Variants in SFI1 observed in about 807,000 individuals in gnomAD.
The protein encoded by SFI1 is SFI1 centrin binding protein.
In SFI1, 195 loss-of-function variants were observed where a neutral mutation model predicts 207.5. The ratio of observed to expected loss-of-function variants is 0.94; its 90% confidence interval spans 0.84 to 1.06. SFI1 has a LOEUF of 1.06. SFI1 is among the 50% of genes least tolerant of loss of function. SFI1 has a pLI of 0.00. For missense variants in SFI1, 1,634 were observed against 1,588.0 expected (o/e 1.03, Z -0.49); for synonymous variants, 630 against 598.9 (o/e 1.05, Z -0.76).
chr22:31,556,510 C>T (rs1020839219), intron 6 of SFI1, among the ~76,000 whole-genome samples: 3 of 152,214 alleles, frequency 2.0e-5, no homozygotes, highest in African/African-American at 7.2e-5. Flanking sequence ...GCGTGAGCCA[C>T]TGTGCCCAGA....
intron 2 of SFI1, among the ~76,000 whole-genome samples, chr22:31,520,174 TAAA>T (rs749141427): frequency 2.2e-5 from 3 of 134,552 alleles, no homozygotes; most frequent in Admixed American, 7.6e-5. Context: ...ACCACCTGTT[TAAA>T]AAAAAAAAAA....
Position 31,618,502 on chromosome 22 carries a change from ATTTT to A in SFI1, c.*89_*92del. On this transcript the variant is annotated 3_prime_UTR_variant, in exon 33 of 33. Coordinates refer to ENST00000400288, the MANE Select transcript of SFI1 (RefSeq NM_001007467.3). ...GGAACAGAACACAGTTTTAAGTTTG[ATTTT>A]TTTTATTTCAAAATGCTTTGCAATT... The A allele has an allele frequency of 1.6e-6, 2 of 1,280,876 alleles. No homozygotes were observed. Among genetic ancestry groups the A allele is most frequent in the Non-Finnish European group, 2.0e-6 (2 of 977,318 alleles). 79.3% of individuals were successfully genotyped at this position (1,280,876 alleles called of 1,614,324 possible). A position where few individuals can be genotyped will look rare whatever the true frequency, so the allele number is the denominator to read the frequency against.
intron 3 of SFI1, among the ~76,000 whole-genome samples, chr22:31,530,171 CAAAAAAAAAAAAAAAA>C (rs1162482504): frequency 9.9e-4 from 12 of 12,100 alleles, no homozygotes; most frequent in Non-Finnish European, 1.2e-3. Context: ...GACTCCATCT[CAAAAAAAAAAAAAAAA>C]AAAAAAAAAA....
chr22:31,533,540 G>A (rs376748383), intron 4 of SFI1, among the ~76,000 whole-genome samples: 15 of 151,220 alleles, frequency 9.9e-5, no homozygotes, highest in African/African-American at 2.2e-4. Flanking sequence ...AAGTTGTAGC[G>A]TTCAGTGGTG....
At chr22:31,503,314 C>T (rs766934332) in intron 1 of SFI1, among the ~76,000 whole-genome samples, 2 of 152,076 alleles carry the variant, frequency 1.3e-5, no homozygotes, top group Admixed American at 6.6e-5. Flanking sequence ...GCAGAAGTGG[C>T]GTGAATACCC....
chr22:31,519,362 C>T (rs2056927392), intron 2 of SFI1, among the ~76,000 whole-genome samples: 2 of 150,938 alleles, frequency 1.3e-5, no homozygotes, highest in South Asian at 4.2e-4. Context: ...CCTTGAACTC[C>T]TGGGTTCAAG....
chr22:31,534,158 G>A (rs141940936), intron 4 of SFI1, among the ~76,000 whole-genome samples: 3,553 of 151,862 alleles, frequency 0.023, 125 homozygotes, highest in African/African-American at 0.08. Flanking sequence ...TCGCTCTGTC[G>A]CTCAGGCTGC....
chr22:31,593,791 G>A (rs1205244352), intron 15 of SFI1, among the ~76,000 whole-genome samples: 2 of 150,352 alleles, frequency 1.3e-5, no homozygotes, highest in Admixed American at 1.3e-4. Flanking sequence ...GTTAGGGGCT[G>A]GAGACCGGCC....
Position 31,557,164 on chromosome 22 carries a change from T to C in SFI1, c.662+105T>C, listed in dbSNP as rs536160170. ...AACCTCACCTTAAAACAATGGTTTG[T>C]ATTTGGTTTTATTTTTGTGTTTTGT... On this transcript the variant is annotated intron_variant, in intron 7 of 32. Coordinates refer to ENST00000400288, the MANE Select transcript of SFI1 (RefSeq NM_001007467.3). 27 of 693,604 alleles carry C rather than the reference T, an allele frequency of 3.9e-5. No individual in the cohort carries two copies. The African/African-American group carries it at 4.3e-4, about 11-fold the overall frequency. The allele number at this position is 693,604 out of a possible 1,614,324, so 43.0% of individuals were successfully genotyped here.
chr22:31,528,926 A>C (rs1485814634), intron 3 of SFI1, 63 bp downstream of exon 3: 2 of 1,480,264 alleles, frequency 1.4e-6, no homozygotes, highest in African/African-American at 2.8e-5. Context: ...TCTTGGTTAA[A>C]ATGGGGGAAT....
At chr22:31,617,443 A>C (rs1358640332) in intron 31 of SFI1, among the ~76,000 whole-genome samples, 2 of 152,162 alleles carry the variant, frequency 1.3e-5, no homozygotes, top group Admixed American at 6.5e-5. Flanking sequence ...GAGAAGGGCC[A>C]GGCGCAGTGA....
Position 31,602,606 on chromosome 22 carries a change from G to A in SFI1, c.1627-1G>A. ...GTTCTCTCCTTCCTGTCCTGCCTCA[G>A]GCCATCCTTCACGCAGAGCGACAGC... On this transcript the variant is annotated splice_acceptor_variant, in intron 16 of 32. Transcript: ENST00000400288. LOFTEE classifies it high-confidence loss of function. 6.2e-7 allele frequency: 1 copy of A among 1,614,050 alleles called. No homozygotes were observed. Among genetic ancestry groups the A allele is most frequent in the Non-Finnish European group, 8.5e-7 (1 of 1,179,992 alleles).
chr22:31,540,042 G>C (rs2059332609), intron 4 of SFI1, among the ~76,000 whole-genome samples: 1 of 151,690 alleles, frequency 6.6e-6, no homozygotes, highest in South Asian at 2.1e-4. Context: ...TAAGCATGAA[G>C]ACTTATAACT....
At chr22:31,531,490 T>C (rs1352902034) in intron 4 of SFI1, among the ~76,000 whole-genome samples, 1 of 152,218 alleles carries the variant, frequency 6.6e-6, no homozygotes, top group East Asian at 1.9e-4. Flanking sequence ...CAGGGCGCCG[T>C]GGCTCACGCC....
chr22:31,583,737 T>A (rs1603209258), intron 12 of SFI1, 138 bp from the exon 13 acceptor site: 1 of 729,504 alleles, frequency 1.4e-6, no homozygotes, highest in African/African-American at 1.7e-5. Flanking sequence ...CCTCATTAAT[T>A]TGTATGCCCA....
At chr22:31,523,808 T>G (rs182835628) in intron 2 of SFI1, among the ~76,000 whole-genome samples, 1 of 151,520 alleles carries the variant, frequency 6.6e-6, no homozygotes, top group Admixed American at 6.6e-5. Flanking sequence ...AATCAGGGTG[T>G]TTTTTTTTAC....
At position 31,528,762 on chromosome 22, in the gene SFI1, C is replaced by A. The variant is rs754928057; in HGVS notation, c.165C>A (p.Ser55=). Residue 55 remains serine, a synonymous_variant, in exon 3 of 33, where the codon TCC becomes TCA. Transcript: ENST00000400288. The stretch of plus-strand genomic sequence containing the variant: ...TGTCCAACAAGAAGTCTTCTGCATC[C>A]TTTGGGATCCGGAGGGAGTTACCTA... ...KTLSNKKSSA[S]FGIRRELPST... is the part of the protein sequence containing the mutation. The A allele has an allele frequency of 8.7e-6, 14 of 1,614,128 alleles. No individual in the cohort carries two copies. The highest frequency in any genetic ancestry group is 1.2e-5 in the Non-Finnish European group (14 of 1,179,998).
intron 1 of SFI1, among the ~76,000 whole-genome samples, chr22:31,502,986 C>T (rs1457287389): frequency 7.3e-6 from 1 of 136,846 alleles, no homozygotes; most frequent in Non-Finnish European, 1.5e-5. Flanking sequence ...ACCCAGGAGG[C>T]AGAGTTTGCA....
intron 21 of SFI1, chr22:31,606,808 C>T (rs954697029): frequency 6.1e-6 from 1 of 164,396 alleles, no homozygotes; most frequent in Non-Finnish European, 1.3e-5. Flanking sequence ...GCGATTTCTC[C>T]TGCCTCAACC....
Sources: allele counts gnomAD v4.1 joint callset (sites outside exome capture counted in the v4.1 genomes callset), GRCh38; gene constraint gnomAD v4.1.1; transcripts MANE v1.5; gene names NCBI Gene and HGNC (gene_info 2026-07-23, HGNC 2026-07-21).